Variants in LRBA observed in about 807,000 individuals in gnomAD.
LRBA encodes the protein lipopolysaccharide-responsive and beige-like anchor protein.
In LRBA, 176 loss-of-function variants were observed where a neutral mutation model predicts 330.0. The observed-to-expected ratio is 0.53, with a 90% CI of 0.47 to 0.60. The LOEUF (loss-of-function observed/expected upper bound fraction) is 0.60, where lower values mean the gene tolerates loss of function less well. Among genes scored for constraint, LRBA ranks in the 20% least tolerant of loss-of-function variants. The probability of loss-of-function intolerance (pLI) is 0.00; values close to 1 mark genes in which losing one functional copy is unlikely to be tolerated. For missense variants in LRBA, 3,259 were observed against 3,444.8 expected, an observed-to-expected ratio of 0.95 and a Z score of 1.35; for synonymous variants, 1,230 against 1,193.0, an observed-to-expected ratio of 1.03 and a Z score of -0.64.
At chr4:150,841,880 T>C (rs1749136130) in intron 28 of LRBA, among the ~76,000 whole-genome samples, 1 of 151,984 alleles carries the variant, frequency 6.6e-6, no homozygotes, top group Non-Finnish European at 1.5e-5. Context: ...ATGGTCTCCA[T>C]CTCCTGGCCT....
At chr4:150,838,415 C>A (rs1052264975) in intron 28 of LRBA, among the ~76,000 whole-genome samples, 15 of 152,222 alleles carry the variant, frequency 9.9e-5, no homozygotes, top group Non-Finnish European at 1.8e-4. Flanking sequence ...CTCCCCATCA[C>A]TTTCAGGTAC....
At chr4:150,768,407 C>T (rs955896244) in intron 34 of LRBA, among the ~76,000 whole-genome samples, 7 of 151,992 alleles carry the variant, frequency 4.6e-5, no homozygotes, top group African/African-American at 1.5e-4. Flanking sequence ...AGTTAGAATC[C>T]CACATCTTCT....
intron 22 of LRBA, among the ~76,000 whole-genome samples, chr4:150,858,757 C>T (rs1751527301): frequency 6.6e-6 from 1 of 152,026 alleles, no homozygotes; most frequent in Non-Finnish European, 1.5e-5. Context: ...CAAACTCTGG[C>T]CTCAAGTGAT....
At chr4:150,489,575 G>GAATACATAATATATATTATATATAAT in intron 41 of LRBA, among the ~76,000 whole-genome samples, 1 of 69,096 alleles carries the variant, frequency 1.4e-5, no homozygotes, top group Non-Finnish European at 2.8e-5. Flanking sequence ...TTATATATAA[G>GAATACATAATATATATTATATATAAT]AATATATAAT....
chr4:150,848,251 G>A (rs1485284194), intron 26 of LRBA, among the ~76,000 whole-genome samples: 3 of 152,016 alleles, frequency 2.0e-5, no homozygotes. Flanking sequence ...CTGACCTCAG[G>A]GGATCCACCC....
intron 48 of LRBA, among the ~76,000 whole-genome samples, chr4:150,331,960 G>C (rs1463757285): frequency 6.6e-6 from 1 of 152,098 alleles, no homozygotes; most frequent in Non-Finnish European, 1.5e-5. Flanking sequence ...TAAAAATTGT[G>C]ATAATAACTG....
At position 150,364,759 on chromosome 4, in the gene LRBA, T is replaced by C. The variant is rs1173681420; in HGVS notation, c.7195-14600A>G. On this transcript the variant is annotated intron_variant, in intron 47 of 56. Coordinates refer to ENST00000651943, the MANE Select transcript of LRBA (RefSeq NM_001364905.1). Reference sequence around the variant, plus strand: ...CTTGTATTACAGCTTATTTTTCTCTTTTATTAACTGGAATGTAAGCTCCTA... The same window carrying C: ...CTTGTATTACAGCTTATTTTTCTCTCTTATTAACTGGAATGTAAGCTCCTA... 3.3e-5 allele frequency among the ~76,000 whole-genome samples: 5 copies of C among 152,086 alleles called. No homozygotes were observed. In the East Asian group the frequency reaches 9.6e-4, roughly 29 times the overall value.
At chr4:150,307,829 T>TA (rs1730560701) in intron 52 of LRBA, among the ~76,000 whole-genome samples, 1 of 152,172 alleles carries the variant, frequency 6.6e-6, no homozygotes, top group Admixed American at 6.5e-5. Context: ...CCCATAGACT[T>TA]AAACATCTAG....
At chr4:150,915,556 G>C (rs1732490804) in intron 8 of LRBA, 52 bp downstream of exon 8, 1 of 1,524,524 alleles carries the variant, frequency 6.6e-7, no homozygotes, top group Admixed American at 2.0e-5. Flanking sequence ...TGTTTAAAAA[G>C]CTCATGCTTT....
At chr4:150,955,341 A>G (rs1318914925) in intron 2 of LRBA, among the ~76,000 whole-genome samples, 3 of 149,454 alleles carry the variant, frequency 2.0e-5, no homozygotes, top group African/African-American at 7.7e-5. Flanking sequence ...AAGATACAAC[A>G]TGACAAAATG....
At chr4:150,495,869 A>G (rs532761443) in intron 40 of LRBA, among the ~76,000 whole-genome samples, 2 of 152,142 alleles carry the variant, frequency 1.3e-5, no homozygotes, top group Admixed American at 1.3e-4. Context: ...TATGACCTCA[A>G]CTCCTGAATT....
intron 37 of LRBA, among the ~76,000 whole-genome samples, chr4:150,675,197 CA>C (rs1043165184): frequency 6.6e-6 from 1 of 151,642 alleles, no homozygotes; most frequent in South Asian, 2.1e-4. Flanking sequence ...TAGCTCAAAA[CA>C]AAAAAACAAA....
chr4:150,619,617 T>C (rs1034249248), intron 37 of LRBA, among the ~76,000 whole-genome samples: 1 of 152,190 alleles, frequency 6.6e-6, no homozygotes, highest in Non-Finnish European at 1.5e-5. Flanking sequence ...GATTCCTATA[T>C]AATTTTGTTA....
At chr4:150,315,325 C>T (rs1364325085) in intron 51 of LRBA, 2 of 580,238 alleles carry the variant, frequency 3.4e-6, no homozygotes, top group East Asian at 5.9e-5. Context: ...ATTACAGCAT[C>T]CATATTAATT....
At position 150,918,673 on chromosome 4, in the gene LRBA, C is replaced by T. The variant is rs1210556451; in HGVS notation, c.646-1935G>A. Among the ~76,000 whole-genome samples the T allele has an allele frequency of 3.3e-5, 5 of 152,230 alleles. No individual in the cohort carries two copies. In the East Asian group the frequency reaches 9.7e-4, roughly 29 times the overall value. Reference sequence around the variant, plus strand: ...GCTGAGACACAAGAATCGCTTGAACCGGGAGGCAGAGGTTGCAGGGAGCCA... The same window carrying T: ...GCTGAGACACAAGAATCGCTTGAACTGGGAGGCAGAGGTTGCAGGGAGCCA... On this transcript the variant is annotated intron_variant, in intron 5 of 56. Coordinates refer to ENST00000651943, the MANE Select transcript of LRBA (RefSeq NM_001364905.1).
At chr4:150,755,516 TTTAA>T (rs1734175675) in intron 35 of LRBA, among the ~76,000 whole-genome samples, 1 of 152,284 alleles carries the variant, frequency 6.6e-6, no homozygotes, top group Non-Finnish European at 1.5e-5. Context: ...TATAGGTTGT[TTTAA>T]TTATTTATAT....
At chr4:150,805,203 GAAGGAAGGAAGGAAGGA>G (rs1481177199) in intron 33 of LRBA, among the ~76,000 whole-genome samples, 3 of 64,502 alleles carry the variant, frequency 4.7e-5, no homozygotes, top group Admixed American at 2.0e-4. Flanking sequence ...AAGGCAGAAG[GAAGGAAGGAAGGAAGGA>G]AAGGAAAGGA....
At chr4:150,729,656 T>C (rs1323940295) in intron 36 of LRBA, among the ~76,000 whole-genome samples, 3 of 152,196 alleles carry the variant, frequency 2.0e-5, no homozygotes, top group Non-Finnish European at 4.4e-5. Context: ...CTAAAATTTA[T>C]GTGGAATCAC....
intron 2 of LRBA, among the ~76,000 whole-genome samples, chr4:150,950,002 T>A (rs762364323): frequency 1.3e-5 from 2 of 152,190 alleles, no homozygotes; most frequent in African/African-American, 4.8e-5. Flanking sequence ...AGAATAAATA[T>A]GCAAATTTGA....
Sources: allele counts gnomAD v4.1 joint callset (sites outside exome capture counted in the v4.1 genomes callset), GRCh38; gene constraint gnomAD v4.1.1; transcripts MANE v1.5; gene names NCBI Gene and HGNC (gene_info 2026-07-23, HGNC 2026-07-21).